The following PRDM11 variants were observed in gnomAD, a reference collection of about 807,000 sequenced individuals.
PRDM11 encodes the protein PR/SET domain 11, also known as PR domain-containing protein 11.
In PRDM11, 20 loss-of-function variants were observed where a neutral mutation model predicts 97.8. The ratio of observed to expected loss-of-function variants is 0.20; its 90% CI spans 0.14 to 0.30. PRDM11 has a LOEUF of 0.30. Among genes scored for constraint, PRDM11 ranks in the 10% least tolerant of loss-of-function variants. The pLI is 1.00. For missense variants in PRDM11, 1,139 were observed against 1,555.2 expected, an observed-to-expected ratio of 0.73 and a Z score of 4.50; for synonymous variants, 599 against 637.7, an observed-to-expected ratio of 0.94 and a Z score of 0.91.
At chr11:45,195,790 CGTCTTG>C (rs1182625118) in intron 4 of PRDM11, among the ~76,000 whole-genome samples, 1 of 151,764 alleles carries the variant, frequency 6.6e-6, no homozygotes, top group African/African-American at 2.4e-5. Flanking sequence ...TGGCCAGGCT[CGTCTTG>C]AACTCCTAGC....
chr11:45,146,554 G>A (rs1032164588), upstream of PRDM11: 2 of 152,010 alleles, frequency 1.3e-5, no homozygotes, highest in Non-Finnish European at 2.9e-5. Flanking sequence ...GGGCCGGGTC[G>A]GGACGCGGCT....
In PRDM11 at chr11:45,224,713, C is replaced by A; in HGVS notation, c.1239C>A (p.Asn413Lys). 1 of 1,614,154 alleles carries A rather than the reference C, an allele frequency of 6.2e-7. No individual in the cohort carries two copies. Among genetic ancestry groups the A allele is most frequent in the Non-Finnish European group, 8.5e-7 (1 of 1,180,036 alleles). ...HELPTTSFCP[N>K]CIRLKKKVRE... ...TTCCCACCACCTCTTTTTGCCCTAA[C>A]TGTATTCGCCTAAAGAAGAAGGTTC... Residue 413 changes from asparagine (N) to lysine (K), a missense_variant, in exon 7 of 8, where the codon AAC becomes AAA. Around this residue, in one of 2 missense-constraint regions of PRDM11, gnomAD observed 710 missense variants for 1,044.9 expected, o/e 0.68. Coordinates refer to ENST00000683152, the MANE Select transcript of PRDM11 (RefSeq NM_001384648.1).
rs201909768 is a variant in PRDM11, at chr11:45,204,685, T to C, written c.487-26T>C. On this transcript the variant is annotated intron_variant, in intron 4 of 7. Coordinates refer to ENST00000683152, the MANE Select transcript of PRDM11 (RefSeq NM_001384648.1). ...ATGAGAACCCCTCTAGAATGGCCCA[T>C]CCTAGACTCTTTCTCTTTCTTCCAG... is the stretch of plus-strand genomic sequence containing the variant. 391 of 1,596,538 alleles carry C rather than the reference T, an allele frequency of 2.4e-4. 1 individual carries two copies. Among genetic ancestry groups the C allele is most frequent in the Non-Finnish European group, 3.3e-4 (384 of 1,164,136 alleles).
chr11:45,219,804 G>A lies in PRDM11; in HGVS notation c.742+47G>A, dbSNP rs1010084465. On this transcript the variant is annotated intron_variant, in intron 6 of 7. Transcript: ENST00000683152. The surrounding 1 kb of genome is among the most constrained non-coding windows in gnomAD (Gnocchi z 4.2). ...AGCTGCGCCCACCTCTGAGCCCCAGGGGAGGCCTGGATAGCTTGTTTTGGA... is the reference window on the plus strand; with the variant it reads ...AGCTGCGCCCACCTCTGAGCCCCAGAGGAGGCCTGGATAGCTTGTTTTGGA... 1 of 1,569,042 alleles carries A rather than the reference G, an allele frequency of 6.4e-7. No homozygotes were observed. The highest frequency in any genetic ancestry group is 8.7e-7 in the Non-Finnish European group (1 of 1,154,980).
intron 4 of PRDM11, among the ~76,000 whole-genome samples, chr11:45,194,208 A>G (rs1347460959): frequency 6.6e-6 from 1 of 152,214 alleles, no homozygotes; most frequent in Non-Finnish European, 1.5e-5. Context: ...GCGGGTGCAG[A>G]AATCTCATGA....
chr11:45,147,851 T>C (rs749244524), intron 1 of PRDM11, among the ~76,000 whole-genome samples: 10 of 152,152 alleles, frequency 6.6e-5, no homozygotes, highest in African/African-American at 1.2e-4. Flanking sequence ...CTGTATAATT[T>C]AGAGTGGCTG....
chr11:45,149,801 A>G (rs1407144142), intron 1 of PRDM11, among the ~76,000 whole-genome samples: 1 of 152,218 alleles, frequency 6.6e-6, no homozygotes, highest in African/African-American at 2.4e-5. Context: ...ATGAGTGAAA[A>G]CTAAACCTTT....
At chr11:45,106,852 A>G (rs1852070389) in intron 1 of PRDM11, among the ~76,000 whole-genome samples, 1 of 152,204 alleles carries the variant, frequency 6.6e-6, no homozygotes, top group African/African-American at 2.4e-5. Context: ...GCCATACTCT[A>G]CTGGTCAAGG....
chr11:45,204,880 T>C (rs537680043), intron 5 of PRDM11, 102 bp downstream of exon 5: 2 of 1,266,270 alleles, frequency 1.6e-6, no homozygotes, highest in Admixed American at 1.8e-5. Context: ...TGGAGACTTC[T>C]GGAGGCTGCC....
chr11:45,103,255 G>A (rs145061906), intron 1 of PRDM11, among the ~76,000 whole-genome samples: 49 of 152,282 alleles, frequency 3.2e-4, no homozygotes, highest in Non-Finnish European at 6.6e-4. Context: ...CGGCCTTGGA[G>A]CCCAACCTGG....
chr11:45,121,948 T>C (rs1313818086), intron 1 of PRDM11, among the ~76,000 whole-genome samples: 1 of 152,086 alleles, frequency 6.6e-6, no homozygotes, highest in Non-Finnish European at 1.5e-5. Context: ...TAGCCTTAAA[T>C]GCAATTCTTA....
In PRDM11 at chr11:45,227,440, G is replaced by A; in HGVS notation, c.2815G>A (p.Glu939Lys). ...GCAGGAGTTCGAGGAGAATTTCCGA[G>A]AGAGCTTCAACGGGATCGCCATGAA... ...YLQEFEENFR[E>K]SFNGIAMKNL... Residue 939 changes from glutamate (E) to lysine (K), a missense_variant, in exon 8 of 8, where the codon GAG becomes AAG. By Grantham distance (56) the Glu-to-Lys change is moderately conservative. Coordinates refer to ENST00000683152, the MANE Select transcript of PRDM11 (RefSeq NM_001384648.1). The surrounding 1 kb of genome is among the most constrained non-coding windows in gnomAD (Gnocchi z 8.0). 6.5e-7 allele frequency: 1 copy of A among 1,533,886 alleles called. No homozygotes were observed. The highest frequency in any genetic ancestry group is 2.0e-5 in the Admixed American group (1 of 51,004).
chr11:45,146,201 G>A, upstream of PRDM11, among the ~76,000 whole-genome samples: 1 of 152,152 alleles, frequency 6.6e-6, no homozygotes, highest in East Asian at 1.9e-4. Context: ...AGGGTTAAAT[G>A]GGACCGGGAG....
chr11:45,128,902 G>A (rs558006245), intron 1 of PRDM11, among the ~76,000 whole-genome samples: 2 of 152,052 alleles, frequency 1.3e-5, no homozygotes, highest in South Asian at 4.1e-4. Flanking sequence ...TCACTCATAA[G>A]CATAAATGTG....
rs1852538914 is a variant in PRDM11, at chr11:45,182,358, A to G, written c.223+9A>G. 6 of 1,611,466 alleles carry G rather than the reference A, an allele frequency of 3.7e-6. No individual in the cohort carries two copies. Among genetic ancestry groups the G allele is most frequent in the Non-Finnish European group, 5.1e-6 (6 of 1,178,020 alleles). On this transcript the variant is annotated intron_variant, in intron 3 of 7. Coordinates refer to ENST00000683152, the MANE Select transcript of PRDM11 (RefSeq NM_001384648.1). The stretch of plus-strand genomic sequence containing the variant: ...GCAAGTGGACTTCTGGTGTAAGTGG[A>G]GCTTGGGGCTCTGGGCTGCTCCTCC...
intron 1 of PRDM11, among the ~76,000 whole-genome samples, chr11:45,161,790 C>A (rs915553067): frequency 6.6e-6 from 1 of 152,266 alleles, no homozygotes; most frequent in Middle Eastern, 3.2e-3. Context: ...GGCTCCAAAC[C>A]ACACTGATGC....
At chr11:45,176,588 C>T (rs1041652165) in intron 1 of PRDM11, among the ~76,000 whole-genome samples, 4 of 152,162 alleles carry the variant, frequency 2.6e-5, no homozygotes, top group African/African-American at 9.7e-5. Context: ...CAAGGTTACA[C>T]AGTTTGTGAG....
At chr11:45,156,879 C>T (rs1851807575) in intron 1 of PRDM11, among the ~76,000 whole-genome samples, 1 of 152,074 alleles carries the variant, frequency 6.6e-6, no homozygotes. Flanking sequence ...GCATTTTAGG[C>T]ACTGGGAACA....
chr11:45,147,796 G>C (rs10838425), intron 1 of PRDM11, among the ~76,000 whole-genome samples: 123,492 of 152,156 alleles, frequency 0.81, 50,629 homozygotes, highest in Middle Eastern at 0.88. Flanking sequence ...AATGTGAAAC[G>C]TCTCCTCTTT....
Sources: allele counts gnomAD v4.1 joint callset (sites outside exome capture counted in the v4.1 genomes callset), GRCh38; gene constraint gnomAD v4.1.1; regional missense constraint gnomAD v4.1.1; non-coding constraint Gnocchi (gnomAD v3.1); transcripts MANE v1.5; gene names NCBI Gene and HGNC (gene_info 2026-07-23, HGNC 2026-07-21).